Variants in PRKAR1A observed in about 807,000 individuals in gnomAD.
PRKAR1A encodes the protein cAMP-dependent protein kinase type I-alpha regulatory subunit.
In PRKAR1A, 3 loss-of-function variants were observed where a neutral mutation model predicts 52.0. That is an observed-to-expected ratio of 0.06 (90% CI 0.03 to 0.15). The LOEUF (loss-of-function observed/expected upper bound fraction) is 0.15, where lower values mean the gene tolerates loss of function less well. PRKAR1A is among the 10% of genes least tolerant of loss of function. The pLI, the probability that PRKAR1A is intolerant of heterozygous loss-of-function variation, is 1.00. For missense variants in PRKAR1A, 240 were observed against 477.4 expected, an observed-to-expected ratio of 0.50 and a Z score of 4.63; for synonymous variants, 188 against 168.4, an observed-to-expected ratio of 1.12 and a Z score of -0.90.
At chr17:68,417,730 T>G in the PRKAR1A span, among the ~76,000 whole-genome samples, 1 of 135,510 alleles carries the variant, frequency 7.4e-6, no homozygotes, top group African/African-American at 2.7e-5. Context: ...TAAGAGTTGC[T>G]GAATTTTTTT....
At chr17:68,504,302 TAA>T in the PRKAR1A span, among the ~76,000 whole-genome samples, 29 of 144,650 alleles carry the variant, frequency 2.0e-4, no homozygotes, top group East Asian at 2.0e-4. Flanking sequence ...CCATCTCTAC[TAA>T]AAAAAAAAAA....
the PRKAR1A span, among the ~76,000 whole-genome samples, chr17:68,433,096 A>G: frequency 6.6e-6 from 1 of 152,226 alleles, no homozygotes; most frequent in Admixed American, 6.5e-5. Flanking sequence ...ATCAGCTAAC[A>G]CTTCTTAGTG....
At chr17:68,454,886 CAG>C in the PRKAR1A span, among the ~76,000 whole-genome samples, 1 of 149,306 alleles carries the variant, frequency 6.7e-6, no homozygotes, top group Non-Finnish European at 1.5e-5. Flanking sequence ...GAGAAAATCA[CAG>C]AGTGATGTTT....
the PRKAR1A span, among the ~76,000 whole-genome samples, chr17:68,506,068 C>A: frequency 6.6e-6 from 1 of 152,212 alleles, no homozygotes; most frequent in Non-Finnish European, 1.5e-5. Flanking sequence ...CACGCCCATT[C>A]ATTTACATAT....
At chr17:68,427,153 A>C in the PRKAR1A span, 2 of 1,613,932 alleles carry the variant, frequency 1.2e-6, no homozygotes, top group African/African-American at 2.7e-5. Context: ...GTGGAGGCTG[A>C]AGATGCACTT....
the PRKAR1A span, among the ~76,000 whole-genome samples, chr17:68,453,522 G>A: frequency 3.5e-5 from 5 of 142,964 alleles, no homozygotes; most frequent in Non-Finnish European, 4.5e-5. Context: ...TCTGTCACCC[G>A]GGCTGGAGTG....
the PRKAR1A span, among the ~76,000 whole-genome samples, chr17:68,439,258 G>T: frequency 6.6e-6 from 1 of 152,136 alleles, no homozygotes; most frequent in African/African-American, 2.4e-5. Context: ...AATGGATAAA[G>T]AAAATGTGAT....
At chr17:68,540,786 A>C (rs1600520663) in intron 11 of PRKAR1A, 1 of 1,549,686 alleles carries the variant, frequency 6.5e-7, no homozygotes, top group South Asian at 1.2e-5. Context: ...GCTCAAGGTC[A>C]CGGGGAACCC....
chr17:68,428,586 A>T, the PRKAR1A span: 1 of 431,866 alleles, frequency 2.3e-6, no homozygotes. Flanking sequence ...TTAGGAGCAT[A>T]GGCTGAGGGG....
At chr17:68,502,397 A>C in the PRKAR1A span, among the ~76,000 whole-genome samples, 1 of 152,232 alleles carries the variant, frequency 6.6e-6, no homozygotes, top group Non-Finnish European at 1.5e-5. Context: ...TATGGACCTT[A>C]TCCAAAATAT....
chr17:68,512,174 G>C (rs1262402423), upstream of PRKAR1A: 1 of 154,178 alleles, frequency 6.5e-6, no homozygotes, highest in African/African-American at 2.4e-5. Context: ...GGAAGGAGGA[G>C]AGAACCGGGC....
At chr17:68,456,911 T>C in the PRKAR1A span, among the ~76,000 whole-genome samples, 1 of 152,148 alleles carries the variant, frequency 6.6e-6, no homozygotes, top group African/African-American at 2.4e-5. Context: ...TCCTGTACTC[T>C]CATCTTCCTG....
the PRKAR1A span, among the ~76,000 whole-genome samples, chr17:68,496,168 G>C: frequency 6.9e-6 from 1 of 144,300 alleles, no homozygotes; most frequent in African/African-American, 2.6e-5. Flanking sequence ...CAGACTCCTG[G>C]GTAGCTGGAA....
the PRKAR1A span, among the ~76,000 whole-genome samples, chr17:68,484,879 A>G: frequency 6.6e-6 from 1 of 152,246 alleles, no homozygotes; most frequent in African/African-American, 2.4e-5. Context: ...GTGGGGAGTC[A>G]AAGGATATTG....
At chr17:68,489,604 G>A in the PRKAR1A span, among the ~76,000 whole-genome samples, 1 of 151,336 alleles carries the variant, frequency 6.6e-6, no homozygotes, top group Non-Finnish European at 1.5e-5. Flanking sequence ...ATGCTGGAGT[G>A]CAGTGGTGCA....
the PRKAR1A span, among the ~76,000 whole-genome samples, chr17:68,434,947 A>C: frequency 5.9e-5 from 9 of 152,158 alleles, no homozygotes; most frequent in African/African-American, 2.2e-4. Context: ...CACGCCTGTA[A>C]TCCTAGCACT....
the PRKAR1A span, chr17:68,457,389 GC>G: frequency 6.5e-7 from 1 of 1,535,368 alleles, no homozygotes; most frequent in Non-Finnish European, 8.8e-7. Flanking sequence ...ACTCAACCCC[GC>G]CCGGGGGAGC....
chr17:68,523,784 G>C lies in PRKAR1A; in HGVS notation c.408G>C (p.Val136=). The part of the protein sequence containing the change: ...AALAKAIEKN[V]LFSHLDDNER... ...TAGCCAAAGCCATTGAAAAGAATGT[G>C]CTGTTTTCACATCTTGATGATAATG... The change falls in exon 4 of 11, where the codon GTG becomes GTC. Residue 136 remains valine, a synonymous_variant. Transcript: ENST00000589228. 6.2e-7 allele frequency: 1 copy of C among 1,613,802 alleles called. No individual in the cohort carries two copies.
chr17:68,449,182 T>C, the PRKAR1A span, among the ~76,000 whole-genome samples: 3 of 152,252 alleles, frequency 2.0e-5, no homozygotes, highest in African/African-American at 7.2e-5. Context: ...CTTAATTGAA[T>C]AGATAAATCT....
Sources: allele counts gnomAD v4.1 joint callset (sites outside exome capture counted in the v4.1 genomes callset), GRCh38; gene constraint gnomAD v4.1.1; transcripts MANE v1.5; gene names NCBI Gene and HGNC (gene_info 2026-07-23, HGNC 2026-07-21).